MGAT4A: variants seen among roughly 807,000 people sequenced by gnomAD.
The protein encoded by MGAT4A is N-acetylglucosaminyltransferase IVa.
In MGAT4A, 33 loss-of-function variants were observed where a neutral mutation model predicts 74.1. The ratio of observed to expected loss-of-function variants is 0.45; its 90% CI spans 0.34 to 0.60. The LOEUF is 0.60. Ranked by LOEUF, MGAT4A falls within the 20% of genes least tolerant of loss-of-function variation. The pLI, the probability that MGAT4A is intolerant of heterozygous loss-of-function variation, is 0.02. For missense variants in MGAT4A, 479 were observed against 628.3 expected (o/e 0.76, Z 2.54); for synonymous variants, 198 against 210.4 (o/e 0.94, Z 0.51).
chr2:98,730,906 C>T (rs936502993), intron 1 of MGAT4A, 142 bp downstream of exon 1: 2 of 147,392 alleles, frequency 1.4e-5, no homozygotes, highest in Non-Finnish European at 3.0e-5. Context: ...CAGTAGGCTC[C>T]TTTACCAGCA....
chr2:98,655,633 TACACACACAC>T (rs934810674), intron 7 of MGAT4A, 113 bp from the exon 8 acceptor site: 1 of 658,664 alleles, frequency 1.5e-6, no homozygotes, highest in Non-Finnish European at 2.6e-6. Context: ...TGTATATGTG[TACACACACAC>T]ACATACACAC....
At chr2:98,724,437 T>A (rs185025229) in intron 2 of MGAT4A, among the ~76,000 whole-genome samples, 1 of 152,192 alleles carries the variant, frequency 6.6e-6, no homozygotes, top group Non-Finnish European at 1.5e-5. Context: ...GAAGATTTTA[T>A]GTAACCATAA....
At position 98,624,637 on chromosome 2, in the gene MGAT4A, A is replaced by T. The variant is rs1701117551; in HGVS notation, c.*929T>A. The T allele has an allele frequency of 1.0e-6, 1 of 983,984 alleles. No homozygotes were observed. 61.0% of individuals were successfully genotyped at this position (983,984 alleles called of 1,614,324 possible). ...GCAGATATAAAAGAATCAACAGCAGATAATGCACCTAATTCATGGATTAAA... is the reference window on the plus strand; with the variant it reads ...GCAGATATAAAAGAATCAACAGCAGTTAATGCACCTAATTCATGGATTAAA... On this transcript the variant is annotated 3_prime_UTR_variant, in exon 16 of 16. Transcript: ENST00000393487.
At chr2:98,653,582 T>C (rs1378190845) in intron 8 of MGAT4A, among the ~76,000 whole-genome samples, 1 of 152,042 alleles carries the variant, frequency 6.6e-6, no homozygotes, top group Non-Finnish European at 1.5e-5. Flanking sequence ...CTACAAGAAA[T>C]GGATAAACCT....
rs1054161218 is a variant in MGAT4A, at chr2:98,624,275, G to A, written c.*1291C>T. The A allele has an allele frequency of 3.5e-6, 3 of 869,510 alleles. No individual in the cohort carries two copies. The highest frequency in any genetic ancestry group is 3.7e-5 in the African/African-American group (2 of 54,736). 53.9% of individuals were successfully genotyped at this position (869,510 alleles called of 1,614,324 possible). On this transcript the variant is annotated 3_prime_UTR_variant, in exon 16 of 16. Coordinates refer to ENST00000393487, the MANE Select transcript of MGAT4A (RefSeq NM_012214.3). ...GATCCGCCCGCCTCGGCCTCCCAAAGTGCTGGGATTACAGGCGTGAGCCAC... is the reference window on the plus strand; with the variant it reads ...GATCCGCCCGCCTCGGCCTCCCAAAATGCTGGGATTACAGGCGTGAGCCAC...
At chr2:98,626,163 C>A (rs1701140951) in intron 14 of MGAT4A, among the ~76,000 whole-genome samples, 1 of 152,158 alleles carries the variant, frequency 6.6e-6, no homozygotes, top group South Asian at 2.1e-4. Context: ...TTACCTAAAT[C>A]TTACCAAAAT....
chr2:98,628,616 C>T (rs540307928), intron 14 of MGAT4A, among the ~76,000 whole-genome samples: 4 of 152,166 alleles, frequency 2.6e-5, no homozygotes, highest in Non-Finnish European at 5.9e-5. Flanking sequence ...TTGGGAGTAT[C>T]ATTGTATTTA....
intron 10 of MGAT4A, among the ~76,000 whole-genome samples, chr2:98,643,346 C>T (rs1421667145): frequency 6.6e-6 from 1 of 152,090 alleles, no homozygotes; most frequent in African/African-American, 2.4e-5. Flanking sequence ...ACAATAAGAT[C>T]TCTATGGTAA....
chr2:98,653,609 A>G (rs1461578185), intron 8 of MGAT4A, among the ~76,000 whole-genome samples: 3 of 152,300 alleles, frequency 2.0e-5, no homozygotes, highest in East Asian at 1.9e-4. Context: ...ACAATTTTCC[A>G]TGGGTGAATC....
Position 98,623,995 on chromosome 2 carries a change from G to T in MGAT4A, c.*1571C>A. ...CCAGTGTGTCCAAGCAGACTGGCTG[G>T]GAACTGATGTTGATACTTCATCTTT... On this transcript the variant is annotated 3_prime_UTR_variant, in exon 16 of 16. Coordinates refer to ENST00000393487, the MANE Select transcript of MGAT4A (RefSeq NM_012214.3). 1.0e-6 allele frequency: 1 copy of T among 985,456 alleles called. No homozygotes were observed. Among genetic ancestry groups the T allele is most frequent in the South Asian group, 4.7e-5 (1 of 21,290 alleles). The allele number at this position is 985,456 out of a possible 1,614,324, so 61.0% of individuals were successfully genotyped here.
At chr2:98,648,437 G>A (rs1701526834) in intron 8 of MGAT4A, among the ~76,000 whole-genome samples, 2 of 151,998 alleles carry the variant, frequency 1.3e-5, no homozygotes, top group Admixed American at 6.6e-5. Context: ...GAGGCAGAGG[G>A]TGCAGTGAGC....
rs1701126722 is a variant in MGAT4A at position 98,625,190 on chromosome 2, C to G, written c.*376G>C. The G allele has an allele frequency of 1.2e-6, 1 of 832,854 alleles. No homozygotes were observed. Among genetic ancestry groups the G allele is most frequent in the African/African-American group, 1.9e-5 (1 of 53,746 alleles). The allele number at this position is 832,854 out of a possible 1,614,324, so 51.6% of individuals were successfully genotyped here. On this transcript the variant is annotated 3_prime_UTR_variant, in exon 16 of 16. Coordinates refer to ENST00000393487, the MANE Select transcript of MGAT4A (RefSeq NM_012214.3). ...TCCCTGATAATCTATAAAAGAGGGT[C>G]TATAATAGTAAAATAAGTGAACCTC...
chr2:98,646,159 C>T (rs866147692), intron 8 of MGAT4A, among the ~76,000 whole-genome samples: 1 of 152,048 alleles, frequency 6.6e-6, no homozygotes, highest in Non-Finnish European at 1.5e-5. Flanking sequence ...TAAAATCTTA[C>T]ATCTTAATCC....
chr2:98,682,621 C>T (rs1702076778), intron 2 of MGAT4A, among the ~76,000 whole-genome samples: 1 of 152,118 alleles, frequency 6.6e-6, no homozygotes, highest in African/African-American at 2.4e-5. Flanking sequence ...CTAGCTGACA[C>T]CACCTTCATC....
At position 98,621,457 on chromosome 2, in the gene MGAT4A, C is replaced by G; in HGVS notation, c.*4109G>C. On this transcript the variant is annotated 3_prime_UTR_variant, in exon 16 of 16. Transcript: ENST00000393487. ...TAAAACAGCAATGGTGCCTGAGGTC[C>G]TTCTGCTTTGTCTCTTGACTTCTGC... 1 of 1,551,636 alleles carries G rather than the reference C, an allele frequency of 6.4e-7. No individual in the cohort carries two copies. The highest frequency in any genetic ancestry group is 8.7e-7 in the Non-Finnish European group (1 of 1,146,968).
At chr2:98,645,583 G>T in intron 8 of MGAT4A, 41 bp from the exon 9 acceptor site, 1 of 1,358,366 alleles carries the variant, frequency 7.4e-7, no homozygotes. Flanking sequence ...ATCAAAAAAA[G>T]AAAGGTATTG....
rs1317627229 is a variant in MGAT4A, at chr2:98,619,970, CAA to C, written c.*5594_*5595del. ...TACTTCGCGCAAAGTGCTTTCCCAT[CAA>C]TGCTCAGTTTACTTTCTTGAATGAG... On this transcript the variant is annotated 3_prime_UTR_variant, in exon 16 of 16. Coordinates refer to ENST00000393487, the MANE Select transcript of MGAT4A (RefSeq NM_012214.3). 1 of 152,158 alleles carries C rather than the reference CAA, an allele frequency of 6.6e-6. No individual in the cohort carries two copies. The highest frequency in any genetic ancestry group is 1.5e-5 in the Non-Finnish European group (1 of 68,038). 9.4% of individuals were successfully genotyped at this position (152,158 alleles called of 1,614,324 possible).
In MGAT4A at chr2:98,621,631, G is replaced by T; in HGVS notation, c.*3935C>A. 2.7e-6 allele frequency: 4 copies of T among 1,477,104 alleles called. No individual in the cohort carries two copies. Among genetic ancestry groups the T allele is most frequent in the Non-Finnish European group, 3.6e-6 (4 of 1,111,016 alleles). The allele number at this position is 1,477,104 out of a possible 1,614,324, so 91.5% of individuals were successfully genotyped here. A position where few individuals can be genotyped will look rare whatever the true frequency, so the allele number is the denominator to read the frequency against. ...TCAAAGTGGGAGGATATTATACAAG[G>T]TCATTGGTGGGGGTGTCAGTAGGGG... On this transcript the variant is annotated 3_prime_UTR_variant, in exon 16 of 16. Coordinates refer to ENST00000393487, the MANE Select transcript of MGAT4A (RefSeq NM_012214.3).
intron 13 of MGAT4A, among the ~76,000 whole-genome samples, chr2:98,636,273 G>A (rs755826416): frequency 5.3e-5 from 8 of 152,096 alleles, no homozygotes; most frequent in South Asian, 2.1e-4. Flanking sequence ...GATTACAGAC[G>A]TGAGCCACCG....
Sources: gnomAD v4.1 joint callset for allele counts (sites outside exome capture counted in the v4.1 genomes callset) on GRCh38, gnomAD v4.1.1 for gene constraint, MANE v1.5 for transcripts, NCBI Gene and HGNC (gene_info 2026-07-23, HGNC 2026-07-21) for gene names.